The following CACNG2 variants were observed in gnomAD, a reference collection of about 807,000 sequenced individuals.
The protein encoded by CACNG2 is calcium voltage-gated channel auxiliary subunit gamma 2, also known as voltage-dependent calcium channel gamma-2 subunit.
In CACNG2, 3 loss-of-function variants were observed where a neutral mutation model predicts 25.9. That is an observed-to-expected ratio of 0.12 (90% CI 0.05 to 0.30). CACNG2 has a LOEUF of 0.30. CACNG2 is among the 10% of genes least tolerant of loss of function. The pLI is 1.00. For missense variants in CACNG2, 341 were observed against 432.5 expected (o/e 0.79, Z 1.88); for synonymous variants, 167 against 173.3 (o/e 0.96, Z 0.29).
chr22:36,631,736 T>TC (rs1936274846), intron 1 of CACNG2, among the ~76,000 whole-genome samples: 1 of 93,280 alleles, frequency 1.1e-5, no homozygotes, highest in Non-Finnish European at 2.3e-5. Flanking sequence ...TGTGAGCAAC[T>TC]CTTTTTTTTT....
At position 36,651,940 on chromosome 22, in the gene CACNG2, T is replaced by C. The variant is rs1032761978; in HGVS notation, c.211+50426A>G. On this transcript the variant is annotated intron_variant, in intron 1 of 3. Coordinates refer to ENST00000300105, the MANE Select transcript of CACNG2 (RefSeq NM_006078.5). ...GTGCAGTGGCGTGATCTCGGCTCAC[T>C]GCAACCTCCGTCTACCAGGTTCGAG... Among the ~76,000 whole-genome samples, 9 of 152,238 alleles carry C rather than the reference T, an allele frequency of 5.9e-5. 1 individual carries two copies. Among genetic ancestry groups the C allele is most frequent in the African/African-American group, 2.2e-4 (9 of 41,540 alleles).
At chr22:36,577,065 C>T (rs1349837423) in intron 2 of CACNG2, among the ~76,000 whole-genome samples, 1 of 152,194 alleles carries the variant, frequency 6.6e-6, no homozygotes, top group Non-Finnish European at 1.5e-5. Context: ...ATCTTCCTAG[C>T]TGTGACCTGG....
At chr22:36,632,474 CT>C (rs1345650464) in intron 1 of CACNG2, among the ~76,000 whole-genome samples, 2 of 97,054 alleles carry the variant, frequency 2.1e-5, no homozygotes, top group East Asian at 2.1e-4. Flanking sequence ...CCTCTCCTCT[CT>C]CTCTCTCTCT....
chr22:36,631,918 T>A (rs929915498), intron 1 of CACNG2, among the ~76,000 whole-genome samples: 2 of 152,062 alleles, frequency 1.3e-5, no homozygotes, highest in African/African-American at 4.8e-5. Context: ...AGGACTCCAA[T>A]GCTCATGCCC....
chr22:36,584,127 C>T (rs953618828), intron 2 of CACNG2, among the ~76,000 whole-genome samples: 2 of 152,160 alleles, frequency 1.3e-5, no homozygotes, highest in Admixed American at 6.5e-5. Flanking sequence ...TCACTCTCCA[C>T]TCTCCAACCC....
chr22:36,628,022 T>C (rs1463748824), intron 1 of CACNG2, among the ~76,000 whole-genome samples: 4 of 152,196 alleles, frequency 2.6e-5, no homozygotes, highest in Non-Finnish European at 5.9e-5. Context: ...AATATACATA[T>C]ATGTACATTC....
At chr22:36,634,014 G>C (rs760893121) in intron 1 of CACNG2, among the ~76,000 whole-genome samples, 1 of 152,214 alleles carries the variant, frequency 6.6e-6, no homozygotes, top group Non-Finnish European at 1.5e-5. Context: ...CCAATCAGTA[G>C]GATGTGGTGA....
chr22:36,663,539 G>A (rs1936830052), intron 1 of CACNG2, among the ~76,000 whole-genome samples: 1 of 149,856 alleles, frequency 6.7e-6, no homozygotes, highest in South Asian at 2.3e-4. Context: ...ATGACAGAGA[G>A]AGAAGGATAG....
intron 2 of CACNG2, chr22:36,585,051 C>T (rs1395811940): frequency 6.6e-6 from 1 of 152,186 alleles, no homozygotes; most frequent in Non-Finnish European, 1.5e-5. Flanking sequence ...GGCATTAGAC[C>T]ATGATTTACT....
intron 1 of CACNG2, among the ~76,000 whole-genome samples, chr22:36,591,207 T>C (rs6000340): frequency 0.085 from 12,923 of 152,038 alleles, 1,065 homozygotes; most frequent in African/African-American, 0.22. Context: ...CGGCTAATTT[T>C]TTTTTTTGTA....
At chr22:36,673,907 C>A (rs937661396) in intron 1 of CACNG2, among the ~76,000 whole-genome samples, 27 of 152,204 alleles carry the variant, frequency 1.8e-4, no homozygotes, top group Admixed American at 4.6e-4. Context: ...CAGCAATGTG[C>A]GTCAGGAGTG....
intron 2 of CACNG2, chr22:36,585,427 T>C (rs947721932): frequency 1.3e-5 from 2 of 152,204 alleles, no homozygotes; most frequent in Non-Finnish European, 2.9e-5. Flanking sequence ...TGATAGAAAC[T>C]TGCGTCTTCC....
chr22:36,580,593 C>T (rs1216289318), intron 2 of CACNG2, among the ~76,000 whole-genome samples: 1 of 152,108 alleles, frequency 6.6e-6, no homozygotes, highest in Non-Finnish European at 1.5e-5. Context: ...ACGTCAGAGA[C>T]AGCAGCCAGC....
In CACNG2 at chr22:36,606,850, T is replaced by A. The variant is rs1935843094; in HGVS notation, c.212-19302A>T. Among the ~76,000 whole-genome samples, 1 of 150,758 alleles carries A rather than the reference T, an allele frequency of 6.6e-6. No individual in the cohort carries two copies. The highest frequency in any genetic ancestry group is 2.5e-5 in the African/African-American group (1 of 40,468). Reference sequence around the variant, plus strand: ...GTCTGTGGGTCTCTGTGTGTGTGTATGTATGTGTACGTGTGTATGTCTGTG... The same window carrying A: ...GTCTGTGGGTCTCTGTGTGTGTGTAAGTATGTGTACGTGTGTATGTCTGTG... On this transcript the variant is annotated intron_variant, in intron 1 of 3. Transcript: ENST00000300105. The surrounding 1 kb of genome is among the most constrained non-coding windows in gnomAD (Gnocchi z 5.7).
chr22:36,698,742 T>C (rs1429781001), intron 1 of CACNG2, among the ~76,000 whole-genome samples: 1 of 152,168 alleles, frequency 6.6e-6, no homozygotes, highest in Non-Finnish European at 1.5e-5. Flanking sequence ...AGATTTCTGT[T>C]CTGCCTCACA....
chr22:36,573,108 A>G (rs560481645), intron 2 of CACNG2, among the ~76,000 whole-genome samples: 1 of 152,386 alleles, frequency 6.6e-6, no homozygotes, highest in African/African-American at 2.4e-5. Flanking sequence ...TAATGTCCAT[A>G]GAGAGCTTAG....
chr22:36,689,504 T>A (rs1021491119), intron 1 of CACNG2, among the ~76,000 whole-genome samples: 6 of 152,168 alleles, frequency 3.9e-5, no homozygotes, highest in African/African-American at 1.2e-4. Context: ...TGGCTTACAT[T>A]AAACATTCAA....
intron 1 of CACNG2, among the ~76,000 whole-genome samples, chr22:36,681,960 G>A (rs1937130350): frequency 6.6e-6 from 1 of 152,184 alleles, no homozygotes; most frequent in Non-Finnish European, 1.5e-5. Context: ...TGCCAAGTCT[G>A]CATGCTCTCA....
chr22:36,641,319 G>A (rs1346251995), intron 1 of CACNG2, among the ~76,000 whole-genome samples: 1 of 152,170 alleles, frequency 6.6e-6, no homozygotes, highest in East Asian at 1.9e-4. Context: ...CACAGTGCCT[G>A]GCTCAGTGTA....
Sources: allele counts gnomAD v4.1 joint callset (sites outside exome capture counted in the v4.1 genomes callset), GRCh38; gene constraint gnomAD v4.1.1; non-coding constraint Gnocchi (gnomAD v3.1); transcripts MANE v1.5; gene names NCBI Gene and HGNC (gene_info 2026-07-23, HGNC 2026-07-21).